ANO3: variants seen among roughly 807,000 people sequenced by gnomAD.
The protein encoded by ANO3 is anoctamin-3.
A neutral mutation model predicts 144.8 loss-of-function variants in ANO3; 99 were observed. The ratio of observed to expected loss-of-function variants is 0.68; its 90% CI spans 0.58 to 0.81. ANO3 has a LOEUF of 0.81. Ranked by LOEUF, ANO3 falls within the 30% of genes least tolerant of loss-of-function variation. The probability of loss-of-function intolerance (pLI) is 0.00; values close to 1 mark genes in which losing one functional copy is unlikely to be tolerated. For missense variants in ANO3, 905 were observed against 1,202.2 expected (o/e 0.75, Z 3.66); for synonymous variants, 414 against 392.6 (o/e 1.05, Z -0.64).
chr11:26,519,978 T>TA (rs143085570), intron 6 of ANO3, among the ~76,000 whole-genome samples: 16,743 of 151,382 alleles, frequency 0.11, 1,283 homozygotes, highest in Admixed American at 0.15. Flanking sequence ...TTTACTAATT[T>TA]AAAAAAAAAT....
At chr11:26,572,210 T>C (rs186301924) in intron 14 of ANO3, 15 of 985,418 alleles carry the variant, frequency 1.5e-5, no homozygotes, top group Non-Finnish European at 1.8e-5. Flanking sequence ...GTATCTTGCT[T>C]GTGTAACAGA....
chr11:26,256,328 C>T (rs978211761), intron 1 of ANO3, among the ~76,000 whole-genome samples: 7 of 152,098 alleles, frequency 4.6e-5, no homozygotes, highest in African/African-American at 1.7e-4. Context: ...ATCAATAAAA[C>T]CCCACTGAAT....
chr11:26,527,888 A>T (rs1487550250), intron 7 of ANO3, among the ~76,000 whole-genome samples: 1 of 152,150 alleles, frequency 6.6e-6, no homozygotes, highest in African/African-American at 2.4e-5. Flanking sequence ...CTCCCTTATC[A>T]TCCCCACCCA....
intron 1 of ANO3, among the ~76,000 whole-genome samples, chr11:26,405,533 G>A (rs558594804): frequency 7.9e-5 from 12 of 151,868 alleles, no homozygotes; most frequent in Middle Eastern, 3.4e-3. Flanking sequence ...CCATTATTCC[G>A]TGTAGGCTAA....
chr11:26,497,077 G>A (rs1431648905), intron 4 of ANO3, among the ~76,000 whole-genome samples: 3 of 145,288 alleles, frequency 2.1e-5, no homozygotes, highest in South Asian at 4.4e-4. Context: ...TATATACACA[G>A]ACACACAAAC....
intron 18 of ANO3, among the ~76,000 whole-genome samples, chr11:26,625,994 A>G (rs971556887): frequency 6.6e-6 from 1 of 152,174 alleles, no homozygotes; most frequent in African/African-American, 2.4e-5. Flanking sequence ...ATGAAACCCT[A>G]TGTTAGAAAT....
chr11:26,244,172 T>C (rs531752629), intron 1 of ANO3, among the ~76,000 whole-genome samples: 8 of 151,526 alleles, frequency 5.3e-5, no homozygotes, highest in Non-Finnish European at 1.2e-4. Context: ...AAAATGAGTG[T>C]GATCACTGAG....
At chr11:26,410,744 G>A (rs1252572428) in intron 1 of ANO3, among the ~76,000 whole-genome samples, 3 of 151,766 alleles carry the variant, frequency 2.0e-5, no homozygotes, top group Non-Finnish European at 4.4e-5. Context: ...TCTACGAAAA[G>A]AAGGTTAACA....
At chr11:26,289,841 T>A (rs940546534) in intron 1 of ANO3, among the ~76,000 whole-genome samples, 8 of 151,296 alleles carry the variant, frequency 5.3e-5, no homozygotes, top group Non-Finnish European at 1.2e-4. Flanking sequence ...TATTGAGGAT[T>A]TTTGCATCGA....
intron 14 of ANO3, among the ~76,000 whole-genome samples, chr11:26,585,092 C>T (rs1851239080): frequency 6.6e-6 from 1 of 152,160 alleles, no homozygotes; most frequent in African/African-American, 2.4e-5. Context: ...GCCTCTGATC[C>T]TCTGACTCCA....
At position 26,283,339 on chromosome 11, in the gene ANO3, T is replaced by C. The variant is rs1257567141; in HGVS notation, c.155-26306T>C. Among the ~76,000 whole-genome samples, 3 of 80,674 alleles carry C rather than the reference T, an allele frequency of 3.7e-5. 1 individual carries two copies. Among genetic ancestry groups the C allele is most frequent in the East Asian group, 3.5e-4 (1 of 2,854 alleles). 52.9% of individuals were successfully genotyped at this position (80,674 alleles called of 152,430 possible). A position where few individuals can be genotyped will look rare whatever the true frequency, so the allele number is the denominator to read the frequency against. ...ATAAATAAATATATATATATATATATATATATATATATATATATATATATA... is the reference window on the plus strand; with the variant it reads ...ATAAATAAATATATATATATATATACATATATATATATATATATATATATA... On this transcript the variant is annotated intron_variant, in intron 1 of 27. Transcript: ENST00000672621.
chr11:26,313,623 G>A (rs1854553224), intron 1 of ANO3, among the ~76,000 whole-genome samples: 3 of 151,834 alleles, frequency 2.0e-5, no homozygotes, highest in Admixed American at 6.6e-5. Flanking sequence ...GGAGGCAGAG[G>A]TTGCAGTGAG....
intron 1 of ANO3, among the ~76,000 whole-genome samples, chr11:26,334,892 T>G (rs1474722155): frequency 6.6e-6 from 1 of 152,230 alleles, no homozygotes; most frequent in Non-Finnish European, 1.5e-5. Context: ...CTTGTTATAT[T>G]ATTTTTAAAG....
At chr11:26,437,191 T>C (rs1438798843) in intron 1 of ANO3, among the ~76,000 whole-genome samples, 1 of 152,160 alleles carries the variant, frequency 6.6e-6, no homozygotes, top group Non-Finnish European at 1.5e-5. Context: ...CCTAGGGGTA[T>C]GTACAAGGGT....
At chr11:26,402,428 C>T (rs1321516214) in intron 1 of ANO3, among the ~76,000 whole-genome samples, 2 of 151,814 alleles carry the variant, frequency 1.3e-5, no homozygotes, top group Non-Finnish European at 2.9e-5. Context: ...ATTGTTAACC[C>T]CATGTATGTC....
intron 1 of ANO3, among the ~76,000 whole-genome samples, chr11:26,346,186 G>A (rs1204841880): frequency 6.6e-6 from 1 of 152,058 alleles, no homozygotes; most frequent in Non-Finnish European, 1.5e-5. Flanking sequence ...GGAAAACATG[G>A]GATAAAATCC....
intron 17 of ANO3, among the ~76,000 whole-genome samples, chr11:26,623,528 G>T (rs1852482952): frequency 6.6e-6 from 1 of 151,972 alleles, no homozygotes; most frequent in African/African-American, 2.4e-5. Context: ...TATAGGAGAG[G>T]GGAAAAGATG....
At chr11:26,266,679 C>T (rs1034986011) in intron 1 of ANO3, among the ~76,000 whole-genome samples, 1 of 151,694 alleles carries the variant, frequency 6.6e-6, no homozygotes, top group East Asian at 2.0e-4. Context: ...GTGGTCCACC[C>T]GCCTTGGCCT....
At chr11:26,250,893 C>T (rs1224257230) in intron 1 of ANO3, among the ~76,000 whole-genome samples, 1 of 152,106 alleles carries the variant, frequency 6.6e-6, no homozygotes, top group Non-Finnish European at 1.5e-5. Context: ...CTAAGCCTAG[C>T]CTACCTTAAA....
Sources: gnomAD v4.1 joint callset for allele counts (sites outside exome capture counted in the v4.1 genomes callset) on GRCh38, gnomAD v4.1.1 for gene constraint, MANE v1.5 for transcripts, NCBI Gene and HGNC (gene_info 2026-07-23, HGNC 2026-07-21) for gene names.